Variants in TRPM1 observed in about 807,000 individuals in gnomAD.
TRPM1 encodes transient receptor potential cation channel subfamily M member 1.
TRPM1 carries 113 observed loss-of-function variants against 149.4 expected under a neutral mutation model. The ratio of observed to expected loss-of-function variants is 0.76; its 90% CI spans 0.65 to 0.88. TRPM1 has a LOEUF of 0.88. TRPM1 is among the 40% of genes least tolerant of loss of function. The pLI is 0.00. For synonymous variants in TRPM1, 741 were observed against 759.5 expected (o/e 0.98, Z 0.40); for missense variants, 1,976 against 2,038.7 (o/e 0.97, Z 0.59).
intron 18 of TRPM1, among the ~76,000 whole-genome samples, chr15:31,038,769 A>C (rs1336548099): frequency 6.6e-6 from 1 of 152,090 alleles, no homozygotes; most frequent in Non-Finnish European, 1.5e-5. Flanking sequence ...CGAGGAAGGC[A>C]AATCTTTAAA....
chr15:31,049,312 A>C lies in TRPM1; in HGVS notation c.1572+63T>G, dbSNP rs2033870572. 20 of 1,611,686 alleles carry C rather than the reference A, an allele frequency of 1.2e-5. No homozygotes were observed. The South Asian group carries it at 2.1e-4, about 17-fold the overall frequency. On this transcript the variant is annotated intron_variant, in intron 13 of 27. Coordinates refer to ENST00000256552, the MANE Select transcript of TRPM1 (RefSeq NM_001252024.2). The stretch of plus-strand genomic sequence containing the variant: ...ATGAGCACATTTATGCACAATATGC[A>C]CCAGTGACAAACACATTTAGGTGGC...
At chr15:31,074,776 C>T (rs1190607710) in intron 3 of TRPM1, among the ~76,000 whole-genome samples, 3 of 152,002 alleles carry the variant, frequency 2.0e-5, no homozygotes, top group Non-Finnish European at 4.4e-5. Flanking sequence ...AGTTATGTTA[C>T]TTATTAAATA....
Position 31,038,098 on chromosome 15 carries a change from C to A in TRPM1, c.2385G>T (p.Ser795=), listed in dbSNP as rs539196046. 2 of 1,614,024 alleles carry A rather than the reference C, an allele frequency of 1.2e-6. No homozygotes were observed. The highest frequency in any genetic ancestry group is 1.6e-4 in the Middle Eastern group (1 of 6,062). ...FLEFRTYDDF[S]YQTSKENEDG... is the part of the protein sequence containing the mutation. Reference sequence around the variant, plus strand: ...CCTCATTTTCCTTGGATGTTTGATACGAGAAATCATCATATGTGCGAAATT... The same window carrying A: ...CCTCATTTTCCTTGGATGTTTGATAAGAGAAATCATCATATGTGCGAAATT... The change falls in exon 19 of 28, where the codon TCG becomes TCT. Residue 795 remains serine (S), a synonymous_variant. Coordinates refer to ENST00000256552, the MANE Select transcript of TRPM1 (RefSeq NM_001252024.2).
chr15:31,129,473 T>C (rs783026), intron 1 of TRPM1, among the ~76,000 whole-genome samples: 45,863 of 152,150 alleles, frequency 0.3, 7,124 homozygotes, highest in Middle Eastern at 0.35. Context: ...TGCCCCCACC[T>C]GGCCGCCTCC....
chr15:31,135,405 G>A (rs1302064334), intron 1 of TRPM1, among the ~76,000 whole-genome samples: 1 of 151,700 alleles, frequency 6.6e-6, no homozygotes, highest in African/African-American at 2.4e-5. Flanking sequence ...ATTTTTACTT[G>A]TCAATTAAAA....
intron 8 of TRPM1, 28 bp downstream of exon 8, chr15:31,063,090 G>T: frequency 1.2e-6 from 2 of 1,613,690 alleles, no homozygotes; most frequent in Non-Finnish European, 8.5e-7. Flanking sequence ...TTACGAACCC[G>T]CCCTTCCTCG....
At chr15:31,139,031 G>A (rs2036125781) in intron 1 of TRPM1, among the ~76,000 whole-genome samples, 1 of 152,032 alleles carries the variant, frequency 6.6e-6, no homozygotes. Flanking sequence ...ATGGCAAATG[G>A]CACTTGAGAC....
Position 31,049,758 on chromosome 15 carries a change from T to C in TRPM1, c.1438-249A>G, listed in dbSNP as rs76783849. Among the ~76,000 whole-genome samples, 1,517 of 152,322 alleles carry C rather than the reference T, an allele frequency of 1.0e-2. 13 individuals are homozygous for C. Among genetic ancestry groups the C allele is most frequent in the Non-Finnish European group, 0.017 (1,136 of 68,024 alleles). ...CCTTTTAAAAATAGATTGAAGAGGA[T>C]TCAAAATCTCAGCCCTCCTGGCATT... On this transcript the variant is annotated intron_variant, in intron 12 of 27. Coordinates refer to ENST00000256552, the MANE Select transcript of TRPM1 (RefSeq NM_001252024.2).
At chr15:31,009,829 C>T (rs2032119469) in intron 27 of TRPM1, among the ~76,000 whole-genome samples, 1 of 152,134 alleles carries the variant, frequency 6.6e-6, no homozygotes, top group South Asian at 2.1e-4. Context: ...TGAGCCTATC[C>T]AATGAATTTT....
rs2031788501 is a variant in TRPM1 at position 31,002,074 on chromosome 15, G to A, written c.4626C>T (p.Arg1542=). The A allele has an allele frequency of 6.2e-7, 1 of 1,614,240 alleles. No individual in the cohort carries two copies. Among genetic ancestry groups the A allele is most frequent in the Non-Finnish European group, 8.5e-7 (1 of 1,180,032 alleles). ...TTCTGTCAGTAATGGTTAGGGACAAGCGAGGGATTCGAGGAATTGCTTCAG... is the reference window on the plus strand; with the variant it reads ...TTCTGTCAGTAATGGTTAGGGACAAACGAGGGATTCGAGGAATTGCTTCAG... ...HVAEAIPRIP[R]LSLTITDRNG... The change falls in exon 28 of 28, where the codon CGC becomes CGT. Residue 1542 remains arginine, a synonymous_variant. Coordinates refer to ENST00000256552, the MANE Select transcript of TRPM1 (RefSeq NM_001252024.2).
At chr15:31,024,982 C>G (rs574253711) in intron 27 of TRPM1, among the ~76,000 whole-genome samples, 2 of 152,126 alleles carry the variant, frequency 1.3e-5, no homozygotes, top group Non-Finnish European at 2.9e-5. Context: ...GCCAGGGACC[C>G]ACAGTTGCCA....
chr15:31,041,205 AGTG>A (rs981435527), intron 17 of TRPM1, among the ~76,000 whole-genome samples: 2 of 151,130 alleles, frequency 1.3e-5, no homozygotes, highest in African/African-American at 4.9e-5. Context: ...CCCAGGCTGG[AGTG>A]CAGTGGGGCA....
chr15:31,106,998 G>A (rs2035616834), intron 1 of TRPM1, among the ~76,000 whole-genome samples: 2 of 151,998 alleles, frequency 1.3e-5, no homozygotes, highest in Non-Finnish European at 2.9e-5. Context: ...ATATAGTTTT[G>A]CAATATAGTT....
rs1425893857 is a variant in TRPM1, at chr15:31,002,888, G to GCCC, written c.3809_3811dup (p.Arg1270_Ala1271insGly). 1.2e-6 allele frequency: 2 copies of GCCC among 1,613,934 alleles called. No homozygotes were observed. Among genetic ancestry groups the GCCC allele is most frequent in the African/African-American group, 2.7e-5 (2 of 74,916 alleles). ...ATACGTTGCCTCACATTCAGAAGAA[G>GCCC]CCCGGGACCGTGCCTGGATCAGGTC... On this transcript the variant is annotated inframe_insertion, in exon 28 of 28. Transcript: ENST00000256552.
chr15:31,128,700 A>T (rs2035981868), intron 1 of TRPM1, among the ~76,000 whole-genome samples: 1 of 152,220 alleles, frequency 6.6e-6, no homozygotes, highest in African/African-American at 2.4e-5. Context: ...ACCACTCCAG[A>T]CAGGCTCTCC....
Position 31,002,708 on chromosome 15 carries a change from TCTTC to T in TRPM1, c.3988_3991del (p.Glu1330ArgfsTer4). 6.2e-7 allele frequency: 1 copy of T among 1,614,206 alleles called. No individual in the cohort carries two copies. The highest frequency in any genetic ancestry group is 8.5e-7 in the Non-Finnish European group (1 of 1,180,038). On this transcript the variant is annotated frameshift_variant, in exon 28 of 28. Transcript: ENST00000256552. LOFTEE classifies it low-confidence loss of function (END_TRUNC). ...GACTAGGTGCGTTTTCACGTCCTTC[TCTTC>T]CTTTATACGGAAGGAACAGGTTTTT...
intron 27 of TRPM1, among the ~76,000 whole-genome samples, chr15:31,015,464 G>A (rs16956447): frequency 0.21 from 31,304 of 151,274 alleles, 3,845 homozygotes; most frequent in African/African-American, 0.35. Context: ...ATGACCTCAT[G>A]TTGTACCCCA....
At chr15:31,016,985 ACAC>A (rs201899670) in intron 27 of TRPM1, among the ~76,000 whole-genome samples, 12,096 of 118,202 alleles carry the variant, frequency 0.1, 715 homozygotes, top group African/African-American at 0.19. Flanking sequence ...ACACACACAC[ACAC>A]AAAAAAAAAA....
At chr15:31,009,479 AT>A (rs1355829232) in intron 27 of TRPM1, among the ~76,000 whole-genome samples, 1 of 151,906 alleles carries the variant, frequency 6.6e-6, no homozygotes. Flanking sequence ...TTTGCTGTCA[AT>A]TTTTTTCCCT....
Sources: allele counts gnomAD v4.1 joint callset (sites outside exome capture counted in the v4.1 genomes callset), GRCh38; gene constraint gnomAD v4.1.1; transcripts MANE v1.5; gene names NCBI Gene and HGNC (gene_info 2026-07-23, HGNC 2026-07-21).